PKHD1: variants seen among roughly 807,000 people sequenced by gnomAD.
PKHD1 encodes the protein PKHD1 ciliary IPT domain containing fibrocystin/polyductin.
In PKHD1, 291 loss-of-function variants were observed where a neutral mutation model predicts 412.0. That is an observed-to-expected ratio of 0.71 (90% CI 0.64 to 0.78). The LOEUF is 0.78. PKHD1 is among the 30% of genes least tolerant of loss of function. PKHD1 has a pLI of 0.00. For missense variants in PKHD1, 4,825 were observed against 4,950.7 expected (o/e 0.97, Z 0.76); for synonymous variants, 1,777 against 1,821.5 (o/e 0.98, Z 0.62).
intron 18 of PKHD1, 65 bp from the exon 19 acceptor site, chr6:52,055,794 C>A: frequency 6.5e-7 from 1 of 1,528,414 alleles, no homozygotes; most frequent in South Asian, 1.2e-5. Context: ...AGCTTCCCTA[C>A]ATGTGTGCAT....
rs1007095423 is a variant in PKHD1, at chr6:51,616,668, T to A, written c.*2413A>T. 5.0e-6 allele frequency: 2 copies of A among 398,036 alleles called. No individual in the cohort carries two copies. Among genetic ancestry groups the A allele is most frequent in the Admixed American group, 4.4e-5 (1 of 22,654 alleles). 24.7% of individuals were successfully genotyped at this position (398,036 alleles called of 1,614,324 possible). ...ATAGCTGCTATTTAGGCCCAAAGAG[T>A]CAATTCTGGCCTCAGGGATCACAGG... On this transcript the variant is annotated 3_prime_UTR_variant, in exon 67 of 67. Transcript: ENST00000371117.
At chr6:51,810,505 T>C (rs1275948595) in intron 52 of PKHD1, among the ~76,000 whole-genome samples, 1 of 152,190 alleles carries the variant, frequency 6.6e-6, no homozygotes, top group Admixed American at 6.6e-5. Context: ...TTTCCAAGAC[T>C]TGTGATTGGG....
At chr6:51,947,673 C>T (rs1228512363) in intron 36 of PKHD1, among the ~76,000 whole-genome samples, 1 of 152,102 alleles carries the variant, frequency 6.6e-6, no homozygotes, top group African/African-American at 2.4e-5. Context: ...TTGGTGGGTC[C>T]CAAGCCTCAG....
intron 50 of PKHD1, among the ~76,000 whole-genome samples, chr6:51,838,430 C>A (rs1769619418): frequency 6.6e-6 from 1 of 152,188 alleles, no homozygotes; most frequent in African/African-American, 2.4e-5. Flanking sequence ...TACACACGCA[C>A]AAATGGTCCC....
chr6:51,771,233 A>C (rs907724921), intron 55 of PKHD1, among the ~76,000 whole-genome samples: 2 of 151,932 alleles, frequency 1.3e-5, no homozygotes, highest in Non-Finnish European at 2.9e-5. Flanking sequence ...CATGCACATA[A>C]CCTACTGATT....
intron 49 of PKHD1, among the ~76,000 whole-genome samples, chr6:51,853,083 C>A (rs1772602566): frequency 6.6e-6 from 1 of 151,720 alleles, no homozygotes; most frequent in Non-Finnish European, 1.5e-5. Flanking sequence ...CTTCTTTCAG[C>A]TCTTGCAGGG....
At chr6:51,994,017 G>C (rs1402134470) in intron 35 of PKHD1, among the ~76,000 whole-genome samples, 1 of 152,178 alleles carries the variant, frequency 6.6e-6, no homozygotes, top group African/African-American at 2.4e-5. Flanking sequence ...GGTTTCAACA[G>C]AGTAAAACTG....
At chr6:51,867,796 C>G (rs1472483375) in intron 48 of PKHD1, 67 bp downstream of exon 48, 2 of 1,429,246 alleles carry the variant, frequency 1.4e-6, no homozygotes, top group African/African-American at 2.8e-5. Flanking sequence ...CTTCTATAAG[C>G]CTCGACAGCC....
rs371242359 is a variant in PKHD1, at chr6:52,035,734, C to G, written c.3098-13G>C. The G allele has an allele frequency of 6.2e-7, 1 of 1,613,486 alleles. No homozygotes were observed. The highest frequency in any genetic ancestry group is 1.1e-5 in the South Asian group (1 of 91,066). ...GCCCAGAGCCCTCCTGTAACAAAAA[C>G]AGCATATTCAAATGGGATCACCAAC... On this transcript the variant is annotated splice_polypyrimidine_tract_variant and intron_variant, in intron 27 of 66. Coordinates refer to ENST00000371117, the MANE Select transcript of PKHD1 (RefSeq NM_138694.4).
In PKHD1 at chr6:52,071,040, C is replaced by A; in HGVS notation, c.633G>T (p.Gly211=). 1.2e-6 allele frequency: 2 copies of A among 1,608,220 alleles called. No individual in the cohort carries two copies. Among genetic ancestry groups the A allele is most frequent in the Non-Finnish European group, 1.7e-6 (2 of 1,174,880 alleles). Residue 211 remains glycine, a synonymous_variant, in exon 9 of 67, where the codon GGG becomes GGT. Transcript: ENST00000371117. The part of the protein sequence containing the change: ...CYPIQEDHGL[G]TLQCHVEGDY... ...CGCCTTCCACATGGCACTGCAGAGTCCCAAGACCATGGTCCTCCTGAATAG... is the reference window on the plus strand; with the variant it reads ...CGCCTTCCACATGGCACTGCAGAGTACCAAGACCATGGTCCTCCTGAATAG...
intron 60 of PKHD1, among the ~76,000 whole-genome samples, chr6:51,711,199 G>C (rs897157348): frequency 6.6e-6 from 1 of 152,144 alleles, no homozygotes; most frequent in African/African-American, 2.4e-5. Context: ...GGCAGTGTTG[G>C]GATAAATTTC....
At chr6:51,872,310 T>G (rs1239135751) in intron 46 of PKHD1, among the ~76,000 whole-genome samples, 1 of 152,114 alleles carries the variant, frequency 6.6e-6, no homozygotes, top group Non-Finnish European at 1.5e-5. Context: ...TGCATCATAT[T>G]GAAATTGCAA....
chr6:51,725,388 AC>A (rs1183717799), intron 60 of PKHD1, among the ~76,000 whole-genome samples: 1 of 152,146 alleles, frequency 6.6e-6, no homozygotes, highest in Admixed American at 6.5e-5. Context: ...AGAAATTGAA[AC>A]CTTGCCCCTG....
chr6:52,050,131 A>G (rs1806557304), intron 22 of PKHD1, 26 bp downstream of exon 22: 2 of 1,612,124 alleles, frequency 1.2e-6, no homozygotes, highest in Non-Finnish European at 8.5e-7. Context: ...AGGAGAAGGG[A>G]CAGGTGTAAA....
At chr6:51,894,233 C>T (rs139615476) in intron 43 of PKHD1, among the ~76,000 whole-genome samples, 2 of 152,260 alleles carry the variant, frequency 1.3e-5, no homozygotes, top group Admixed American at 6.5e-5. Context: ...AAAGAACCAC[C>T]ACCAACTTGC....
At chr6:51,807,492 T>G (rs1764022118) in intron 52 of PKHD1, among the ~76,000 whole-genome samples, 1 of 141,800 alleles carries the variant, frequency 7.1e-6, no homozygotes, top group Non-Finnish European at 1.5e-5. Context: ...TATATGTGTG[T>G]GTGTGTGTGT....
rs934686174 is a variant in PKHD1, at chr6:51,638,086, T to C, written c.11506+763A>G. Among the ~76,000 whole-genome samples, 10 of 152,352 alleles carry C rather than the reference T, an allele frequency of 6.6e-5. No individual in the cohort carries two copies. In the East Asian group the frequency reaches 1.2e-3, roughly 18 times the overall value. ...TTTATTAGGACCCAGATATGTTTAT[T>C]TGTAGAAGATTGACATGCTGAAACA... On this transcript the variant is annotated intron_variant, in intron 64 of 66. Transcript: ENST00000371117.
Position 51,888,484 on chromosome 6 carries a change from C to T in PKHD1, c.6997-1239G>A, listed in dbSNP as rs545184919. On this transcript the variant is annotated intron_variant, in intron 43 of 66. Transcript: ENST00000371117. ...ATTTTTTTTTGGCCTACCCAATGTT[C>T]ATATTTTTTTGGTTCCAACATGTTC... Among the ~76,000 whole-genome samples the T allele has an allele frequency of 3.7e-4, 56 of 151,988 alleles. 1 individual carries two copies. The highest frequency in any genetic ancestry group is 1.3e-3 in the African/African-American group (52 of 41,464).
chr6:52,058,228 C>A (rs1353487909), intron 16 of PKHD1, 95 bp downstream of exon 16: 2 of 1,161,948 alleles, frequency 1.7e-6, no homozygotes, highest in East Asian at 2.3e-5. Flanking sequence ...TTATAATGAC[C>A]CCTCAGGTCG....
Sources: allele counts gnomAD v4.1 joint callset (sites outside exome capture counted in the v4.1 genomes callset), GRCh38; gene constraint gnomAD v4.1.1; transcripts MANE v1.5; gene names NCBI Gene and HGNC (gene_info 2026-07-23, HGNC 2026-07-21).